The following ADAMTS2 variants were observed in gnomAD, a reference collection of about 807,000 sequenced individuals.
ADAMTS2 encodes ADAM metallopeptidase with thrombospondin type 1 motif 2.
In ADAMTS2, 50 loss-of-function variants were observed where a neutral mutation model predicts 123.0. The ratio of observed to expected loss-of-function variants is 0.41; its 90% CI spans 0.32 to 0.51. ADAMTS2 has a LOEUF of 0.51. Ranked by LOEUF, ADAMTS2 falls within the 20% of genes least tolerant of loss-of-function variation. The pLI is 0.35. For synonymous variants in ADAMTS2, 678 were observed against 695.4 expected (o/e 0.98, Z 0.39); for missense variants, 1,494 against 1,705.2 (o/e 0.88, Z 2.18).
chr5:179,226,250 TTCTTC>T (rs1214143625), intron 3 of ADAMTS2, among the ~76,000 whole-genome samples: 1 of 95,378 alleles, frequency 1.0e-5, no homozygotes, highest in Non-Finnish European at 2.9e-5. Flanking sequence ...CTTTCTTTCT[TTCTTC>T]TCTTTCTTCT....
chr5:179,195,977 G>A (rs538557714), intron 4 of ADAMTS2, among the ~76,000 whole-genome samples: 18 of 152,260 alleles, frequency 1.2e-4, no homozygotes, highest in African/African-American at 3.6e-4. Context: ...GACTTGGGGC[G>A]ACGCCTTCCG....
At chr5:179,179,445 G>A (rs934630289) in intron 5 of ADAMTS2, among the ~76,000 whole-genome samples, 4 of 151,946 alleles carry the variant, frequency 2.6e-5, no homozygotes, top group South Asian at 4.1e-4. Flanking sequence ...ATGATTCCTC[G>A]AAAAGAAGGT....
rs1273463220 is a variant in ADAMTS2 at position 179,256,803 on chromosome 5, T to G, written c.688+16108A>C. Among the ~76,000 whole-genome samples, 1 of 152,264 alleles carries G rather than the reference T, an allele frequency of 6.6e-6. No homozygotes were observed. The highest frequency in any genetic ancestry group is 1.5e-5 in the Non-Finnish European group (1 of 68,046). On this transcript the variant is annotated intron_variant, in intron 3 of 21. Transcript: ENST00000251582. This position sits in a 1 kb window ranked among gnomAD's most constrained non-coding sequence, Gnocchi z 4.1. ...AGATTTTCATGTGAAACCTCCTGAT[T>G]TTTAAGTGTACACTCAACATTTCTG...
At chr5:179,159,739 G>C (rs894728222) in intron 5 of ADAMTS2, among the ~76,000 whole-genome samples, 2 of 152,208 alleles carry the variant, frequency 1.3e-5, no homozygotes, top group African/African-American at 4.8e-5. Context: ...GAGACTCAGA[G>C]AAGTTAAGAA....
chr5:179,208,122 G>A (rs1764755305), intron 3 of ADAMTS2, among the ~76,000 whole-genome samples: 4 of 146,128 alleles, frequency 2.7e-5, no homozygotes, highest in Admixed American at 1.4e-4. Context: ...CGCACTGCCT[G>A]ACGCTGGAGT....
At position 179,117,299 on chromosome 5, in the gene ADAMTS2, G is replaced by GGCCT. The variant is rs1379683614; in HGVS notation, c.3179-2976_3179-2975insAGGC. On this transcript the variant is annotated intron_variant, in intron 21 of 21. Transcript: ENST00000251582. This position sits in a 1 kb window ranked among gnomAD's most constrained non-coding sequence, Gnocchi z 4.2. Reference sequence around the variant, plus strand: ...AGGGAGCCTGGGCCTGATGGTGCTGGGAGGGACACCCTGGCTGCACACTGC... The same window carrying GGCCT: ...AGGGAGCCTGGGCCTGATGGTGCTGGGCCTGAGGGACACCCTGGCTGCACACTGC... Among the ~76,000 whole-genome samples the GGCCT allele has an allele frequency of 6.6e-6, 1 of 152,136 alleles. No homozygotes were observed.
chr5:179,293,775 A>G (rs1367660547), intron 2 of ADAMTS2, among the ~76,000 whole-genome samples: 2 of 150,306 alleles, frequency 1.3e-5, no homozygotes, highest in Admixed American at 6.6e-5. Context: ...CACCACACCC[A>G]GCTAAATTTT....
At chr5:179,204,688 G>A (rs938821162) in intron 4 of ADAMTS2, among the ~76,000 whole-genome samples, 10 of 152,238 alleles carry the variant, frequency 6.6e-5, no homozygotes, top group Non-Finnish European at 1.3e-4. Context: ...GGCATTCATC[G>A]TCAGGGCAAT....
chr5:179,172,187 C>A (rs759320925), intron 5 of ADAMTS2, among the ~76,000 whole-genome samples: 5 of 152,216 alleles, frequency 3.3e-5, no homozygotes, highest in Admixed American at 6.5e-5. Context: ...TTGCCCGGTG[C>A]CCACCACAGG....
chr5:179,177,064 T>C lies in ADAMTS2; in HGVS notation c.975+4008A>G, dbSNP rs566740662. Reference sequence around the variant, plus strand: ...CTGAGCCCTGGTACAATTGTTTCCTTGTCTAGATCTGCCTTCTGGAAGCGG... The same window carrying C: ...CTGAGCCCTGGTACAATTGTTTCCTCGTCTAGATCTGCCTTCTGGAAGCGG... On this transcript the variant is annotated intron_variant, in intron 5 of 21. Coordinates refer to ENST00000251582, the MANE Select transcript of ADAMTS2 (RefSeq NM_014244.5). Among the ~76,000 whole-genome samples the C allele has an allele frequency of 2.6e-5, 4 of 152,362 alleles. No homozygotes were observed. In the South Asian group the frequency reaches 8.3e-4, roughly 32 times the overall value.
intron 3 of ADAMTS2, among the ~76,000 whole-genome samples, chr5:179,254,250 C>T (rs893417783): frequency 1.3e-5 from 2 of 152,180 alleles, no homozygotes; most frequent in African/African-American, 4.8e-5. Context: ...GGCCCTGGAG[C>T]TTTTAGATCA....
intron 2 of ADAMTS2, among the ~76,000 whole-genome samples, chr5:179,278,827 C>T (rs1001255916): frequency 5.9e-5 from 9 of 151,832 alleles, no homozygotes; most frequent in African/African-American, 2.2e-4. Flanking sequence ...TGGTGAGTTA[C>T]ACAACGCCTG....
chr5:179,230,238 G>T (rs1049833383), intron 3 of ADAMTS2, among the ~76,000 whole-genome samples: 1 of 152,148 alleles, frequency 6.6e-6, no homozygotes, highest in African/African-American at 2.4e-5. Flanking sequence ...CGGGGGCAAG[G>T]GGGGAGGGGA....
rs3822594 is a variant in ADAMTS2 at position 179,132,410 on chromosome 5, C to A, written c.2210-100G>T. The A allele has an allele frequency of 3.4e-6, 4 of 1,175,582 alleles. No homozygotes were observed. Among genetic ancestry groups the A allele is most frequent in the African/African-American group, 1.5e-5 (1 of 66,368 alleles). The allele number at this position is 1,175,582 out of a possible 1,614,324, so 72.8% of individuals were successfully genotyped here. On this transcript the variant is annotated intron_variant, in intron 14 of 21. Coordinates refer to ENST00000251582, the MANE Select transcript of ADAMTS2 (RefSeq NM_014244.5). This position sits in a 1 kb window ranked among gnomAD's most constrained non-coding sequence, Gnocchi z 6.1. ...GCCTCGCTCTTGAAGGCAGCTCCTC[C>A]GGAGGCTCTCCCAGGACCCTGGTAT...
intron 3 of ADAMTS2, among the ~76,000 whole-genome samples, chr5:179,220,387 C>T (rs411804): frequency 0.88 from 133,995 of 152,092 alleles, 59,194 homozygotes; most frequent in East Asian, 0.97. Flanking sequence ...GTCACCAGTC[C>T]GGTACATGCT....
chr5:179,122,066 C>T (rs767005818), intron 20 of ADAMTS2, among the ~76,000 whole-genome samples: 2 of 152,146 alleles, frequency 1.3e-5, no homozygotes, highest in African/African-American at 2.4e-5. Context: ...CCTGCTGACT[C>T]GAGCTCTGAG....
chr5:179,157,522 T>A (rs1434250267), intron 6 of ADAMTS2, among the ~76,000 whole-genome samples: 1 of 151,522 alleles, frequency 6.6e-6, no homozygotes, highest in African/African-American at 2.4e-5. Context: ...ATTTTCCTTT[T>A]TTTTTTTTCT....
At chr5:179,244,841 A>T (rs1765746005) in intron 3 of ADAMTS2, among the ~76,000 whole-genome samples, 1 of 152,230 alleles carries the variant, frequency 6.6e-6, no homozygotes, top group Admixed American at 6.5e-5. Flanking sequence ...GTCAACAGGA[A>T]GGCAAACTGT....
At chr5:179,161,113 T>C (rs184800535) in intron 5 of ADAMTS2, among the ~76,000 whole-genome samples, 112 of 152,288 alleles carry the variant, frequency 7.4e-4, no homozygotes, top group African/African-American at 2.5e-3. Context: ...CCTACTATAA[T>C]TGATACAGGA....
Sources: allele counts gnomAD v4.1 joint callset (sites outside exome capture counted in the v4.1 genomes callset), GRCh38; gene constraint gnomAD v4.1.1; non-coding constraint Gnocchi (gnomAD v3.1); transcripts MANE v1.5; gene names NCBI Gene and HGNC (gene_info 2026-07-23, HGNC 2026-07-21).